PAXIP1: variants seen among roughly 807,000 people sequenced by gnomAD.
PAXIP1 encodes the protein PAX-interacting protein 1.
PAXIP1 carries 19 observed loss-of-function variants against 140.6 expected under a neutral mutation model. That is an observed-to-expected ratio of 0.14 (90% CI 0.09 to 0.20). The LOEUF (loss-of-function observed/expected upper bound fraction) is 0.20, where lower values mean the gene tolerates loss of function less well. Among genes scored for constraint, PAXIP1 ranks in the 10% least tolerant of loss-of-function variants. The pLI, the probability that PAXIP1 is intolerant of heterozygous loss-of-function variation, is 1.00. For missense variants in PAXIP1, 920 were observed against 1,208.6 expected (o/e 0.76, Z 3.54); for synonymous variants, 442 against 444.6 (o/e 0.99, Z 0.07).
chr7:154,995,552 T>G (rs924984102), intron 2 of PAXIP1, among the ~76,000 whole-genome samples: 1 of 152,102 alleles, frequency 6.6e-6, no homozygotes, highest in African/African-American at 2.4e-5. Context: ...CAAAGAACAA[T>G]ATATAAAAAT....
chr7:154,956,099 T>G lies in PAXIP1; in HGVS notation c.2550-468A>C, dbSNP rs761944422. Among the ~76,000 whole-genome samples, 2 of 152,240 alleles carry G rather than the reference T, an allele frequency of 1.3e-5. No homozygotes were observed. Among genetic ancestry groups the G allele is most frequent in the African/African-American group, 4.8e-5 (2 of 41,460 alleles). On this transcript the variant is annotated intron_variant, in intron 14 of 20. Coordinates refer to ENST00000404141, the MANE Select transcript of PAXIP1 (RefSeq NM_007349.4). This position sits in a 1 kb window ranked among gnomAD's most constrained non-coding sequence, Gnocchi z 4.2. ...CAGCCAAGACGAGTGTCGCTAGAGC[T>G]TCCAGTGTCTTTCACATTCTAGCCC...
chr7:154,989,933 A>G (rs1165728512), intron 4 of PAXIP1, among the ~76,000 whole-genome samples: 37 of 152,000 alleles, frequency 2.4e-4, no homozygotes. Context: ...ATAGTGGATG[A>G]TCCGATTGTT....
chr7:154,959,854 A>G, intron 13 of PAXIP1, 36 bp downstream of exon 13: 1 of 1,400,754 alleles, frequency 7.1e-7, no homozygotes, highest in Non-Finnish European at 1.0e-6. Context: ...TTAATAATAC[A>G]GTAATAGCCA....
At chr7:154,999,193 A>T (rs1367523082) in intron 1 of PAXIP1, among the ~76,000 whole-genome samples, 1 of 152,228 alleles carries the variant, frequency 6.6e-6, no homozygotes, top group Non-Finnish European at 1.5e-5. Context: ...AAGACAAGAT[A>T]TGTGAGCAGA....
At chr7:154,966,562 C>T (rs1809031748) in intron 8 of PAXIP1, among the ~76,000 whole-genome samples, 1 of 152,208 alleles carries the variant, frequency 6.6e-6, no homozygotes. Context: ...TCTCCACTAA[C>T]TTTTGTATCT....
chr7:154,984,492 A>G lies in PAXIP1; in HGVS notation c.325-1160T>C, dbSNP rs558874363. 2.6e-5 allele frequency among the ~76,000 whole-genome samples: 4 copies of G among 152,348 alleles called. No homozygotes were observed. The East Asian group carries it at 5.8e-4, about 22-fold the overall frequency. The stretch of plus-strand genomic sequence containing the variant: ...GTATGCAGCTTGCCAATAATCTAGC[A>G]TTGTTCATCTACTCTCATCCATTTT... On this transcript the variant is annotated intron_variant, in intron 4 of 20. Transcript: ENST00000404141.
At chr7:154,996,564 T>C (rs1810625597) in intron 2 of PAXIP1, among the ~76,000 whole-genome samples, 1 of 152,180 alleles carries the variant, frequency 6.6e-6, no homozygotes, top group Non-Finnish European at 1.5e-5. Context: ...AGCTCAGGAA[T>C]TGATCACCAT....
At chr7:154,976,495 G>A (rs1809587567) in intron 5 of PAXIP1, among the ~76,000 whole-genome samples, 164 bp from the exon 6 acceptor site, 1 of 152,178 alleles carries the variant, frequency 6.6e-6, no homozygotes. Context: ...TTAGACAGAG[G>A]ACATGAGGCA....
chr7:154,947,846 G>T (rs567198811), intron 17 of PAXIP1, 57 bp downstream of exon 17: 3 of 1,220,660 alleles, frequency 2.5e-6, no homozygotes, highest in South Asian at 2.4e-5. Flanking sequence ...TAGTTCCCTT[G>T]AGCAGGTCCG....
At chr7:154,972,662 G>A (rs11764147) in intron 6 of PAXIP1, among the ~76,000 whole-genome samples, 75,735 of 152,068 alleles carry the variant, frequency 0.5, 20,303 homozygotes, top group Middle Eastern at 0.63. Context: ...GCCATTTCTC[G>A]AAGTGCCAGA....
chr7:154,946,016 A>T lies in PAXIP1; in HGVS notation c.3194+349T>A. The T allele has an allele frequency of 1.0e-6, 1 of 984,858 alleles. No homozygotes were observed. Among genetic ancestry groups the T allele is most frequent in the South Asian group, 4.7e-5 (1 of 21,280 alleles). 61.0% of individuals were successfully genotyped at this position (984,858 alleles called of 1,614,324 possible). A position where few individuals can be genotyped will look rare whatever the true frequency, so the allele number is the denominator to read the frequency against. On this transcript the variant is annotated intron_variant, in intron 20 of 20. Coordinates refer to ENST00000404141, the MANE Select transcript of PAXIP1 (RefSeq NM_007349.4). The surrounding 1 kb of genome is among the most constrained non-coding windows in gnomAD (Gnocchi z 4.9). ...ATACGAACTAAATTTCATTTGGAAA[A>T]CTACAAACTCAAAGGTGAGCTGATA...
At chr7:154,990,719 A>C (rs1810291782) in intron 4 of PAXIP1, among the ~76,000 whole-genome samples, 1 of 152,174 alleles carries the variant, frequency 6.6e-6, no homozygotes, top group African/African-American at 2.4e-5. Context: ...CTGTATTTCT[A>C]ACTGAATTTT....
At chr7:154,967,932 A>T (rs1809095979) in intron 7 of PAXIP1, 22 bp from the exon 8 acceptor site, 2 of 1,545,736 alleles carry the variant, frequency 1.3e-6, no homozygotes, top group Non-Finnish European at 8.9e-7. Flanking sequence ...TTACATAAGA[A>T]AAAGAAAATT....
At chr7:154,976,952 A>G (rs979849558) in intron 5 of PAXIP1, among the ~76,000 whole-genome samples, 5 of 152,238 alleles carry the variant, frequency 3.3e-5, no homozygotes, top group African/African-American at 1.2e-4. Flanking sequence ...TGCAAATACA[A>G]TATAAAACCA....
At position 154,960,064 on chromosome 7, in the gene PAXIP1, G is replaced by T. The variant is rs2272174; in HGVS notation, c.2435-131C>A. The T allele has an allele frequency of 1.1e-4, 74 of 647,318 alleles. No homozygotes were observed. In the East Asian group the frequency reaches 1.9e-3, roughly 17 times the overall value. The allele number at this position is 647,318 out of a possible 1,614,324, so 40.1% of individuals were successfully genotyped here. On this transcript the variant is annotated intron_variant, in intron 12 of 20. Coordinates refer to ENST00000404141, the MANE Select transcript of PAXIP1 (RefSeq NM_007349.4). ...CTGACAACACTTAATAAGGATAAAT[G>T]TAAGTACTATAATGAAGTTTTAAAG...
rs941008981 is a variant in PAXIP1, at chr7:154,956,351, C to T, written c.2550-720G>A. ...AAAAGTCAACAGTTCAGTTTGTGTTCTGGAAGTGGGGAATGGAAGGAGGGA... is the reference window on the plus strand; with the variant it reads ...AAAAGTCAACAGTTCAGTTTGTGTTTTGGAAGTGGGGAATGGAAGGAGGGA... On this transcript the variant is annotated intron_variant, in intron 14 of 20. Coordinates refer to ENST00000404141, the MANE Select transcript of PAXIP1 (RefSeq NM_007349.4). The surrounding 1 kb of genome is among the most constrained non-coding windows in gnomAD (Gnocchi z 4.2). 6.6e-6 allele frequency: 1 copy of T among 151,866 alleles called. No homozygotes were observed. Among genetic ancestry groups the T allele is most frequent in the Non-Finnish European group, 1.5e-5 (1 of 68,012 alleles). 9.4% of individuals were successfully genotyped at this position (151,866 alleles called of 1,614,324 possible). A position where few individuals can be genotyped will look rare whatever the true frequency, so the allele number is the denominator to read the frequency against.
intron 13 of PAXIP1, among the ~76,000 whole-genome samples, chr7:154,959,412 T>C (rs1808660608): frequency 6.6e-6 from 1 of 152,168 alleles, no homozygotes; most frequent in Admixed American, 6.5e-5. Flanking sequence ...ATTATTGAAG[T>C]GGTCCTGTCT....
Position 154,963,671 on chromosome 7 carries a change from C to T in PAXIP1, c.1989G>A (p.Gln663=), listed in dbSNP as rs780182894. Residue 663 remains glutamine, a splice_region_variant and synonymous_variant, in exon 9 of 21, where the codon CAG becomes CAA. Transcript: ENST00000404141. The surrounding 1 kb of genome is among the most constrained non-coding windows in gnomAD (Gnocchi z 4.1). The part of the protein sequence containing the change: ...CESQVSSAYA[Q]AIRERKRCVT... Reference sequence around the variant, plus strand: ...TCGCAGCTAAGGCTATTTTCCTTACCTGTGCATACGCGCTGCTGACTTGAC... The same window carrying T: ...TCGCAGCTAAGGCTATTTTCCTTACTTGTGCATACGCGCTGCTGACTTGAC... 1 of 1,608,672 alleles carries T rather than the reference C, an allele frequency of 6.2e-7. No individual in the cohort carries two copies. Among genetic ancestry groups the T allele is most frequent in the East Asian group, 2.2e-5 (1 of 44,820 alleles).
At chr7:154,944,517 A>C in intron 20 of PAXIP1, 1 of 174,764 alleles carries the variant, frequency 5.7e-6, no homozygotes, top group Non-Finnish European at 1.2e-5. Context: ...CAAATAGCTG[A>C]CTCCTACTTA....
Sources: allele counts gnomAD v4.1 joint callset (sites outside exome capture counted in the v4.1 genomes callset), GRCh38; gene constraint gnomAD v4.1.1; non-coding constraint Gnocchi (gnomAD v3.1); transcripts MANE v1.5; gene names NCBI Gene and HGNC (gene_info 2026-07-23, HGNC 2026-07-21).